The following NCOA6 variants were observed in gnomAD, a reference collection of about 807,000 sequenced individuals.
The protein encoded by NCOA6 is nuclear receptor coactivator 6, also known as NRC RAP250.
NCOA6 carries 49 observed loss-of-function variants against 171.4 expected under a neutral mutation model. The observed-to-expected ratio is 0.29, with a 90% CI of 0.23 to 0.36. The LOEUF (loss-of-function observed/expected upper bound fraction) is 0.36, where lower values mean the gene tolerates loss of function less well. Among genes scored for constraint, NCOA6 ranks in the 10% least tolerant of loss-of-function variants. The probability of loss-of-function intolerance (pLI) is 1.00; values close to 1 mark genes in which losing one functional copy is unlikely to be tolerated. For synonymous variants in NCOA6, 910 were observed against 927.5 expected (o/e 0.98, Z 0.34); for missense variants, 2,248 against 2,554.5 (o/e 0.88, Z 2.59).
chr20:34,796,065 C>T (rs923545640), intron 1 of NCOA6, among the ~76,000 whole-genome samples: 1 of 128,310 alleles, frequency 7.8e-6, no homozygotes, highest in Admixed American at 9.6e-5. Flanking sequence ...GGCTAGAGTG[C>T]GGTGGCATGA....
intron 5 of NCOA6, among the ~76,000 whole-genome samples, chr20:34,760,644 C>T (rs2076787791): frequency 6.6e-6 from 1 of 152,098 alleles, no homozygotes; most frequent in Non-Finnish European, 1.5e-5. Flanking sequence ...TACAGGGAAA[C>T]AGATTTTTAT....
chr20:34,750,420 T>G lies in NCOA6; in HGVS notation c.1775A>C (p.Asn592Thr). Reference sequence around the variant, plus strand: ...CCCAGAAGTACCAGCCTGCTGATTGTTCATGTTGCCATGAATTCCCATGAG... The same window carrying G: ...CCCAGAAGTACCAGCCTGCTGATTGGTCATGTTGCCATGAATTCCCATGAG... The part of the protein sequence containing the change: ...PSLMGIHGNM[N>T]NQQAGTSGVP... The change falls in exon 9 of 15, where the codon AAC becomes ACC. Residue 592 changes from asparagine to threonine, a missense_variant. Physicochemically the swap from Asn to Thr is moderately conservative, Grantham distance 65. Transcript: ENST00000359003. 6.2e-7 allele frequency: 1 copy of G among 1,614,104 alleles called. No homozygotes were observed.
chr20:34,823,451 A>G (rs2079064532), intron 1 of NCOA6, among the ~76,000 whole-genome samples: 2 of 152,356 alleles, frequency 1.3e-5, no homozygotes, highest in South Asian at 4.1e-4. Context: ...TATTTTATAT[A>G]TGCCCGCATA....
chr20:34,800,776 C>A (rs2078230751), intron 1 of NCOA6, among the ~76,000 whole-genome samples: 1 of 152,148 alleles, frequency 6.6e-6, no homozygotes, highest in South Asian at 2.1e-4. Flanking sequence ...GAGATTTTAA[C>A]ATCCCATTTT....
intron 13 of NCOA6, among the ~76,000 whole-genome samples, chr20:34,727,849 G>T (rs909806765): frequency 6.6e-6 from 1 of 151,458 alleles, no homozygotes; most frequent in African/African-American, 2.4e-5. Context: ...TCAGCCTCCC[G>T]AGTAGCTGGG....
chr20:34,762,273 C>A (rs1437386878), intron 5 of NCOA6, among the ~76,000 whole-genome samples: 1 of 152,026 alleles, frequency 6.6e-6, no homozygotes, highest in African/African-American at 2.4e-5. Flanking sequence ...GGTTAATAAT[C>A]ACCTTGTTAA....
intron 3 of NCOA6, among the ~76,000 whole-genome samples, chr20:34,781,629 C>T (rs1222878644): frequency 1.3e-5 from 2 of 152,204 alleles, no homozygotes; most frequent in Admixed American, 1.3e-4. Context: ...CAAACTAAAT[C>T]TCAAACACTA....
chr20:34,752,060 G>A (rs754797298), intron 8 of NCOA6, among the ~76,000 whole-genome samples: 3 of 152,152 alleles, frequency 2.0e-5, no homozygotes, highest in Non-Finnish European at 4.4e-5. Flanking sequence ...GTTTCAGCAT[G>A]TTGGTCAGGC....
chr20:34,758,104 T>C lies in NCOA6; in HGVS notation c.644A>G (p.Asp215Gly). The C allele has an allele frequency of 3.7e-6, 6 of 1,605,650 alleles. No individual in the cohort carries two copies. Among genetic ancestry groups the C allele is most frequent in the Non-Finnish European group, 5.1e-6 (6 of 1,174,464 alleles). Reference protein sequence around the residue: ...PRTPRPASQSDAMDPLLSGLH... With the variant: ...PRTPRPASQSGAMDPLLSGLH... Reference sequence around the variant, plus strand: ...CCCAGAGAGGAGTGGATCCATTGCATCTGTTTAAAGATAGTCAACAAAGCA... The same window carrying C: ...CCCAGAGAGGAGTGGATCCATTGCACCTGTTTAAAGATAGTCAACAAAGCA... The change falls in exon 7 of 15, where the codon GAT becomes GGT. Residue 215 changes from aspartate (D) to glycine (G), a missense_variant and splice_region_variant. Coordinates refer to ENST00000359003, the MANE Select transcript of NCOA6 (RefSeq NM_014071.5).
chr20:34,768,658 T>C, intron 4 of NCOA6, 72 bp from the exon 5 acceptor site: 1 of 1,535,906 alleles, frequency 6.5e-7, no homozygotes, highest in Non-Finnish European at 8.9e-7. Context: ...GACAGCTATA[T>C]AAGTGCTTTA....
chr20:34,742,084 G>A lies in NCOA6; in HGVS notation c.4172C>T (p.Pro1391Leu). 1 of 1,614,182 alleles carries A rather than the reference G, an allele frequency of 6.2e-7. No homozygotes were observed. Residue 1391 changes from proline (P) to leucine (L), a missense_variant, in exon 11 of 15, where the codon CCT becomes CTT. Physicochemically the swap from Pro to Leu is moderately conservative, Grantham distance 98. Coordinates refer to ENST00000359003, the MANE Select transcript of NCOA6 (RefSeq NM_014071.5). ...LANPPVPGSF[P>L]NNSGLNPQNS... Reference sequence around the variant, plus strand: ...CTGAGGATTCAGCCCACTGTTGTTAGGAAAGCTCCCAGGTACAGGGGGATT... The same window carrying A: ...CTGAGGATTCAGCCCACTGTTGTTAAGAAAGCTCCCAGGTACAGGGGGATT...
chr20:34,809,598 C>T, intron 1 of NCOA6: 1 of 396,214 alleles, frequency 2.5e-6, no homozygotes, highest in Middle Eastern at 6.4e-4. Context: ...CCCTTATAAA[C>T]CTATTCAAAA....
chr20:34,793,837 T>C (rs758286624), intron 1 of NCOA6, among the ~76,000 whole-genome samples: 3 of 152,148 alleles, frequency 2.0e-5, no homozygotes, highest in Non-Finnish European at 4.4e-5. Flanking sequence ...TATGTGCTTA[T>C]ACAGGCACAT....
At chr20:34,720,274 G>T (rs1265482283) in intron 14 of NCOA6, among the ~76,000 whole-genome samples, 1 of 152,208 alleles carries the variant, frequency 6.6e-6, no homozygotes, top group Non-Finnish European at 1.5e-5. Flanking sequence ...TTGCATGTTT[G>T]TAAACAACAC....
At chr20:34,797,401 G>C (rs993731160) in intron 1 of NCOA6, among the ~76,000 whole-genome samples, 1 of 152,104 alleles carries the variant, frequency 6.6e-6, no homozygotes, top group Non-Finnish European at 1.5e-5. Flanking sequence ...TGAAAGGAAG[G>C]ACTCAGCCCT....
intron 1 of NCOA6, among the ~76,000 whole-genome samples, chr20:34,795,730 T>C (rs1199702378): frequency 6.6e-6 from 1 of 152,200 alleles, no homozygotes; most frequent in Non-Finnish European, 1.5e-5. Flanking sequence ...TTTAGGCAGC[T>C]GGGGGAAACT....
At chr20:34,792,776 A>ATTTTTTTTT (rs35924752) in intron 1 of NCOA6, among the ~76,000 whole-genome samples, 1 of 112,318 alleles carries the variant, frequency 8.9e-6, no homozygotes, top group East Asian at 2.6e-4. Flanking sequence ...ATCTTTTCTG[A>ATTTTTTTTT]TTTTTTTTTT....
At chr20:34,795,983 C>T (rs1215849956) in intron 1 of NCOA6, among the ~76,000 whole-genome samples, 2 of 144,268 alleles carry the variant, frequency 1.4e-5, no homozygotes, top group Non-Finnish European at 3.1e-5. Flanking sequence ...ATTATTGTTT[C>T]AACTTTTCTA....
chr20:34,812,425 G>A (rs1270756858), intron 1 of NCOA6, among the ~76,000 whole-genome samples: 1 of 152,094 alleles, frequency 6.6e-6, no homozygotes, highest in African/African-American at 2.4e-5. Context: ...ACCCTGGTTT[G>A]CTCTTGGTAG....
Sources: gnomAD v4.1 joint callset for allele counts (sites outside exome capture counted in the v4.1 genomes callset) on GRCh38, gnomAD v4.1.1 for gene constraint, MANE v1.5 for transcripts, NCBI Gene and HGNC (gene_info 2026-07-23, HGNC 2026-07-21) for gene names.